Variants in ERBB4 observed in about 807,000 individuals in gnomAD.
The protein encoded by ERBB4 is receptor tyrosine-protein kinase erbB-4.
In ERBB4, 42 loss-of-function variants were observed where a neutral mutation model predicts 158.0. The observed-to-expected ratio is 0.27, with a 90% CI of 0.21 to 0.34. The LOEUF (loss-of-function observed/expected upper bound fraction) is 0.34, where lower values mean the gene tolerates loss of function less well. Ranked by LOEUF, ERBB4 falls within the 10% of genes least tolerant of loss-of-function variation. The pLI is 1.00. For synonymous variants in ERBB4, 583 were observed against 558.7 expected (o/e 1.04, Z -0.61); for missense variants, 1,333 against 1,624.1 (o/e 0.82, Z 3.08).
intron 2 of ERBB4, chr2:211,960,700 T>C (rs1236731880): frequency 6.6e-6 from 1 of 152,114 alleles, no homozygotes; most frequent in African/African-American, 2.4e-5. Context: ...TGTCTTGCTA[T>C]GTTTTCACAC....
At chr2:212,258,497 A>T (rs1461385477) in intron 1 of ERBB4, among the ~76,000 whole-genome samples, 25 of 151,442 alleles carry the variant, frequency 1.7e-4, no homozygotes. Context: ...TAAAATAGTT[A>T]CGCTAAAATA....
At chr2:211,894,859 T>C (rs555160717) in intron 3 of ERBB4, among the ~76,000 whole-genome samples, 1 of 152,272 alleles carries the variant, frequency 6.6e-6, no homozygotes, top group South Asian at 2.1e-4. Flanking sequence ...ATGGATAATT[T>C]AAGGAATCAT....
intron 19 of ERBB4, among the ~76,000 whole-genome samples, chr2:211,568,118 T>C (rs1216024435): frequency 6.6e-6 from 1 of 151,538 alleles, no homozygotes. Flanking sequence ...TTCTGTCTTT[T>C]TTTTCCTTTT....
intron 1 of ERBB4, among the ~76,000 whole-genome samples, chr2:212,207,556 T>C (rs2082800957): frequency 6.6e-6 from 1 of 152,202 alleles, no homozygotes; most frequent in South Asian, 2.1e-4. Context: ...TTATTCAATC[T>C]TACACTAAAT....
rs1043632186 is a variant in ERBB4 at position 211,473,318 on chromosome 2, T to A, written c.2488-42218A>T. Among the ~76,000 whole-genome samples, 4 of 152,044 alleles carry A rather than the reference T, an allele frequency of 2.6e-5. No individual in the cohort carries two copies. In the South Asian group the frequency reaches 8.3e-4, roughly 31 times the overall value. On this transcript the variant is annotated intron_variant, in intron 20 of 27. Transcript: ENST00000342788. ...CCCAGGGCTTCTAGAAGAGAGTAGG[T>A]CCCTGCCAACACTTTAATTTCAGCC... is the stretch of plus-strand genomic sequence containing the variant.
At chr2:212,497,065 C>A (rs1442057775) in intron 1 of ERBB4, among the ~76,000 whole-genome samples, 1 of 151,366 alleles carries the variant, frequency 6.6e-6, no homozygotes, top group Non-Finnish European at 1.5e-5. Context: ...GTAATCCCAG[C>A]TACTCGGAAG....
rs145399183 is a variant in ERBB4 at position 212,491,646 on chromosome 2, G to C, written c.82+46803C>G. On this transcript the variant is annotated intron_variant, in intron 1 of 27. Transcript: ENST00000342788. ...GATTACTGCCTTTCATTGATTCACTGTCTAGAATTTTCTTCTTTCAAAATT... is the reference window on the plus strand; with the variant it reads ...GATTACTGCCTTTCATTGATTCACTCTCTAGAATTTTCTTCTTTCAAAATT... 8.4e-4 allele frequency among the ~76,000 whole-genome samples: 128 copies of C among 151,586 alleles called. 1 individual carries two copies. Among genetic ancestry groups the C allele is most frequent in the Non-Finnish European group, 1.4e-3 (94 of 67,560 alleles).
At chr2:211,601,872 T>A (rs1331913370) in intron 19 of ERBB4, among the ~76,000 whole-genome samples, 6 of 152,162 alleles carry the variant, frequency 3.9e-5, no homozygotes, top group African/African-American at 9.6e-5. Context: ...GAAATAAATA[T>A]CATGTAATAA....
At chr2:211,856,577 C>T (rs187083637) in intron 3 of ERBB4, among the ~76,000 whole-genome samples, 105 of 151,822 alleles carry the variant, frequency 6.9e-4, no homozygotes, top group Non-Finnish European at 9.4e-4. Flanking sequence ...TCAGTAGAGA[C>T]GGGGTTTCAC....
At chr2:211,394,409 T>C (rs556254827) in intron 25 of ERBB4, among the ~76,000 whole-genome samples, 2 of 152,270 alleles carry the variant, frequency 1.3e-5, no homozygotes, top group African/African-American at 2.4e-5. Flanking sequence ...TTTTTTGGCA[T>C]GTTTATATTC....
chr2:212,070,241 T>G (rs377092864), intron 2 of ERBB4, among the ~76,000 whole-genome samples: 78 of 152,126 alleles, frequency 5.1e-4, no homozygotes, highest in African/African-American at 1.8e-3. Context: ...TTTTCCCAAA[T>G]TAAAGGCATA....
intron 1 of ERBB4, among the ~76,000 whole-genome samples, chr2:212,503,008 C>G (rs911639524): frequency 3.3e-5 from 5 of 152,130 alleles, no homozygotes; most frequent in African/African-American, 7.2e-5. Flanking sequence ...TGTGATCCAC[C>G]CACCTCAACC....
intron 1 of ERBB4, among the ~76,000 whole-genome samples, chr2:212,125,693 G>A (rs185218676): frequency 2.6e-5 from 4 of 152,240 alleles, no homozygotes; most frequent in Admixed American, 6.5e-5. Context: ...TCCTGCTTTA[G>A]TTTGCTAAGG....
At chr2:212,383,124 T>G (rs1358719267) in intron 1 of ERBB4, among the ~76,000 whole-genome samples, 1 of 151,372 alleles carries the variant, frequency 6.6e-6, no homozygotes, top group Non-Finnish European at 1.5e-5. Flanking sequence ...TGTGTTTACC[T>G]TTTTCTATAG....
intron 12 of ERBB4, 152 bp from the exon 13 acceptor site, chr2:211,679,336 AC>A: frequency 1.3e-6 from 1 of 774,344 alleles, no homozygotes. Flanking sequence ...GTCCCATCCT[AC>A]CCACAACTTC....
At chr2:211,746,785 G>A (rs79768409) in intron 5 of ERBB4, among the ~76,000 whole-genome samples, 3,828 of 145,416 alleles carry the variant, frequency 0.026, 233 homozygotes, top group East Asian at 0.19. Context: ...AGCCGAGATC[G>A]CACCACCGCA....
At chr2:212,495,543 A>G (rs1239371396) in intron 1 of ERBB4, among the ~76,000 whole-genome samples, 1 of 152,234 alleles carries the variant, frequency 6.6e-6, no homozygotes, top group Non-Finnish European at 1.5e-5. Flanking sequence ...TATTGACAAA[A>G]AAAGTATATG....
intron 1 of ERBB4, among the ~76,000 whole-genome samples, chr2:212,136,774 A>G (rs2080284218): frequency 6.6e-6 from 1 of 152,180 alleles, no homozygotes. Context: ...TTAAAAGAAA[A>G]GTCTGTGAAT....
chr2:212,159,368 C>G, intron 1 of ERBB4, among the ~76,000 whole-genome samples: 1 of 151,488 alleles, frequency 6.6e-6, no homozygotes, highest in East Asian at 1.9e-4. Flanking sequence ...TTATTGATGC[C>G]TACACTTTCT....
Sources: allele counts gnomAD v4.1 joint callset (sites outside exome capture counted in the v4.1 genomes callset), GRCh38; gene constraint gnomAD v4.1.1; transcripts MANE v1.5; gene names NCBI Gene and HGNC (gene_info 2026-07-23, HGNC 2026-07-21).